Variants in FSTL4 observed in about 807,000 individuals in gnomAD.
FSTL4 encodes the protein follistatin-related protein 4.
A neutral mutation model predicts 78.2 loss-of-function variants in FSTL4; 28 were observed. That is an observed-to-expected ratio of 0.36 (90% CI 0.27 to 0.49). FSTL4 has a LOEUF of 0.49. Among genes scored for constraint, FSTL4 ranks in the 20% least tolerant of loss-of-function variants. The pLI, the probability that FSTL4 is intolerant of heterozygous loss-of-function variation, is 0.98. For synonymous variants in FSTL4, 422 were observed against 440.5 expected (o/e 0.96, Z 0.53); for missense variants, 922 against 1,084.9 (o/e 0.85, Z 2.11).
chr5:133,613,699 C>A (rs748900262), upstream of FSTL4, among the ~76,000 whole-genome samples: 1 of 152,188 alleles, frequency 6.6e-6, no homozygotes, highest in South Asian at 2.1e-4. Flanking sequence ...GTCCAGCTCT[C>A]CCTCTATCAC....
At chr5:133,704,542 A>T in the FSTL4 span, among the ~76,000 whole-genome samples, 1 of 152,246 alleles carries the variant, frequency 6.6e-6, no homozygotes, top group Non-Finnish European at 1.5e-5. Flanking sequence ...AAAGGGGCTC[A>T]AAGGCACCGG....
chr5:133,762,436 A>C, the FSTL4 span, among the ~76,000 whole-genome samples: 7 of 152,246 alleles, frequency 4.6e-5, no homozygotes, highest in Non-Finnish European at 1.0e-4. Context: ...CCCAGAACAT[A>C]GACTATAAAG....
chr5:133,625,129 G>C, the FSTL4 span, among the ~76,000 whole-genome samples: 1 of 151,596 alleles, frequency 6.6e-6, no homozygotes, highest in Non-Finnish European at 1.5e-5. Flanking sequence ...GGTAATACTA[G>C]CTTCATAATA....
chr5:133,242,193 G>A (rs1219310878), intron 7 of FSTL4, among the ~76,000 whole-genome samples: 3 of 152,242 alleles, frequency 2.0e-5, no homozygotes, highest in Admixed American at 6.5e-5. Context: ...CAGCTGCATG[G>A]GGCTGGGGAG....
chr5:133,734,538 A>G, the FSTL4 span, among the ~76,000 whole-genome samples: 1 of 152,260 alleles, frequency 6.6e-6, no homozygotes, highest in African/African-American at 2.4e-5. Context: ...CAAAATTTTG[A>G]TGACTTAAAA....
chr5:133,605,874 A>T (rs975789162), intron 1 of FSTL4, among the ~76,000 whole-genome samples: 21 of 152,122 alleles, frequency 1.4e-4, no homozygotes, highest in Admixed American at 1.2e-3. Context: ...CAGTCTCACC[A>T]TCAGCACCTG....
intron 3 of FSTL4, among the ~76,000 whole-genome samples, chr5:133,563,549 A>G (rs577773381): frequency 6.6e-6 from 1 of 152,370 alleles, no homozygotes; most frequent in African/African-American, 2.4e-5. Context: ...ACATTCTCTG[A>G]AAACATCAGA....
intron 3 of FSTL4, among the ~76,000 whole-genome samples, chr5:133,560,653 C>T (rs1318898678): frequency 2.0e-5 from 3 of 151,974 alleles, no homozygotes; most frequent in Non-Finnish European, 2.9e-5. Flanking sequence ...CGTGAGCCAC[C>T]GTGCCCGGTC....
chr5:133,656,291 A>G, the FSTL4 span, among the ~76,000 whole-genome samples: 28 of 152,196 alleles, frequency 1.8e-4, no homozygotes, highest in African/African-American at 6.7e-4. Context: ...TATAAAACAC[A>G]TGTCTCTAAG....
the FSTL4 span, among the ~76,000 whole-genome samples, chr5:133,647,975 C>A: frequency 6.6e-6 from 1 of 152,132 alleles, no homozygotes; most frequent in Non-Finnish European, 1.5e-5. Context: ...CTCTTGGGAT[C>A]TGATGGTTCT....
At chr5:133,792,181 C>T in the FSTL4 span, among the ~76,000 whole-genome samples, 1 of 152,194 alleles carries the variant, frequency 6.6e-6, no homozygotes, top group Admixed American at 6.5e-5. Context: ...ATGCAGCTGA[C>T]CTGTGTCCTC....
At chr5:133,468,901 G>A (rs1246013067) in intron 3 of FSTL4, among the ~76,000 whole-genome samples, 1 of 152,184 alleles carries the variant, frequency 6.6e-6, no homozygotes, top group African/African-American at 2.4e-5. Flanking sequence ...AGAGGGTGGA[G>A]GGGGTGAGAG....
intron 3 of FSTL4, among the ~76,000 whole-genome samples, chr5:133,475,928 T>A (rs535491909): frequency 6.6e-6 from 1 of 152,258 alleles, no homozygotes; most frequent in South Asian, 2.1e-4. Context: ...GCTTTTAATG[T>A]CCACCCTCCA....
chr5:133,430,453 A>G (rs1298785821), intron 3 of FSTL4, among the ~76,000 whole-genome samples: 2 of 152,214 alleles, frequency 1.3e-5, no homozygotes, highest in African/African-American at 4.8e-5. Context: ...ACAGTCTCCA[A>G]TTCATCACTA....
intron 4 of FSTL4, among the ~76,000 whole-genome samples, chr5:133,389,028 C>T (rs1755775644): frequency 1.3e-5 from 2 of 152,174 alleles, no homozygotes; most frequent in African/African-American, 2.4e-5. Context: ...CCCCAGCTTC[C>T]ATTTTATTTT....
In FSTL4 at chr5:133,361,838, C is replaced by T. The variant is rs909632878; in HGVS notation, c.409+38900G>A. Among the ~76,000 whole-genome samples the T allele has an allele frequency of 6.6e-6, 1 of 152,180 alleles. No individual in the cohort carries two copies. The highest frequency in any genetic ancestry group is 1.5e-5 in the Non-Finnish European group (1 of 68,030). On this transcript the variant is annotated intron_variant, in intron 4 of 15. Transcript: ENST00000265342. This position sits in a 1 kb window ranked among gnomAD's most constrained non-coding sequence, Gnocchi z 4.3. ...AGGACCAGGGATACCAGACATTTTGCATTGTATAAGACAGTCCTTCACAAC... is the reference window on the plus strand; with the variant it reads ...AGGACCAGGGATACCAGACATTTTGTATTGTATAAGACAGTCCTTCACAAC...
intron 3 of FSTL4, among the ~76,000 whole-genome samples, chr5:133,528,187 C>T (rs2112905711): frequency 6.6e-6 from 1 of 152,334 alleles, no homozygotes; most frequent in African/African-American, 2.4e-5. Context: ...AGAAATAAGT[C>T]ACCTTTAACA....
At chr5:133,442,912 C>A (rs1283404134) in intron 3 of FSTL4, among the ~76,000 whole-genome samples, 5 of 152,226 alleles carry the variant, frequency 3.3e-5, no homozygotes, top group Non-Finnish European at 5.9e-5. Context: ...TTCAAAGCAA[C>A]AACAGGTATC....
At chr5:133,582,848 C>G (rs1760451278) in intron 2 of FSTL4, among the ~76,000 whole-genome samples, 1 of 152,170 alleles carries the variant, frequency 6.6e-6, no homozygotes, top group African/African-American at 2.4e-5. Context: ...CCTGGGCTAT[C>G]CCTGTCCTGC....
Sources: allele counts gnomAD v4.1 joint callset (sites outside exome capture counted in the v4.1 genomes callset), GRCh38; gene constraint gnomAD v4.1.1; non-coding constraint Gnocchi (gnomAD v3.1); transcripts MANE v1.5; gene names NCBI Gene and HGNC (gene_info 2026-07-23, HGNC 2026-07-21).